Variants in DOP1A observed in about 807,000 individuals in gnomAD.
DOP1A encodes the protein protein DOP1A.
Under a neutral mutation model 267.6 loss-of-function variants are expected in DOP1A, and 90 were observed. That is an observed-to-expected ratio of 0.34 (90% CI 0.28 to 0.40). The LOEUF (loss-of-function observed/expected upper bound fraction) is 0.40, where lower values mean the gene tolerates loss of function less well. Among genes scored for constraint, DOP1A ranks in the 10% least tolerant of loss-of-function variants. The pLI is 1.00. For missense variants in DOP1A, 2,437 were observed against 2,900.4 expected (o/e 0.84, Z 3.67); for synonymous variants, 932 against 999.1 (o/e 0.93, Z 1.27).
intron 20 of DOP1A, among the ~76,000 whole-genome samples, chr6:83,136,959 C>A (rs1778954619): frequency 6.6e-6 from 1 of 151,998 alleles, no homozygotes; most frequent in Admixed American, 6.6e-5. Flanking sequence ...ATTTTAAAGT[C>A]TTTAGAGAGC....
chr6:83,157,719 A>C (rs113098668), intron 35 of DOP1A, among the ~76,000 whole-genome samples: 1 of 152,258 alleles, frequency 6.6e-6, no homozygotes, highest in African/African-American at 2.4e-5. Flanking sequence ...TATTACATAT[A>C]CTCACTCTTG....
At chr6:83,120,970 G>A (rs534888114) in intron 10 of DOP1A, among the ~76,000 whole-genome samples, 179 bp downstream of exon 10, 26 of 151,814 alleles carry the variant, frequency 1.7e-4, no homozygotes, top group African/African-American at 4.8e-5. Flanking sequence ...CACCTGATAC[G>A]TTATTATGTA....
At chr6:83,129,777 G>A (rs986169586) in intron 16 of DOP1A, among the ~76,000 whole-genome samples, 4 of 151,924 alleles carry the variant, frequency 2.6e-5, no homozygotes, top group Non-Finnish European at 4.4e-5. Flanking sequence ...AGATCTGCTG[G>A]TTTTCTTTGT....
At chr6:83,106,125 A>G (rs1281945141) in intron 4 of DOP1A, among the ~76,000 whole-genome samples, 1 of 152,238 alleles carries the variant, frequency 6.6e-6, no homozygotes, top group Non-Finnish European at 1.5e-5. Context: ...ATGGTTTAAC[A>G]TAATTAAATA....
chr6:83,132,355 G>GC (rs776765262), intron 18 of DOP1A, 27 bp downstream of exon 18: 2 of 1,568,946 alleles, frequency 1.3e-6, no homozygotes, highest in East Asian at 4.6e-5. Flanking sequence ...TGTGCACACC[G>GC]CCCCCTCCGC....
At chr6:83,112,010 T>C (rs1774639810) in intron 6 of DOP1A, among the ~76,000 whole-genome samples, 1 of 151,936 alleles carries the variant, frequency 6.6e-6, no homozygotes, top group South Asian at 2.1e-4. Flanking sequence ...TATTAGAAAC[T>C]GCCAAACTAT....
At chr6:83,135,545 T>G in intron 19 of DOP1A, 74 bp from the exon 20 acceptor site, 1 of 1,434,988 alleles carries the variant, frequency 7.0e-7, no homozygotes, top group Non-Finnish European at 9.4e-7. Context: ...AGAAACAGAA[T>G]TTATTAATTT....
chr6:83,072,498 A>G (rs147729069), intron 1 of DOP1A, among the ~76,000 whole-genome samples: 4 of 152,306 alleles, frequency 2.6e-5, no homozygotes, highest in African/African-American at 7.2e-5. Flanking sequence ...GGAAGTAAGT[A>G]AAGAGCCATC....
chr6:83,160,897 T>C (rs1235540392), intron 37 of DOP1A, among the ~76,000 whole-genome samples: 1 of 152,156 alleles, frequency 6.6e-6, no homozygotes, highest in Non-Finnish European at 1.5e-5. Flanking sequence ...TTACTTTTCA[T>C]TAAACTTAAT....
At chr6:83,162,379 G>A (rs1454847265) in intron 37 of DOP1A, among the ~76,000 whole-genome samples, 1 of 152,134 alleles carries the variant, frequency 6.6e-6, no homozygotes, top group Non-Finnish European at 1.5e-5. Context: ...CATTTGGCCA[G>A]TTATATGTTG....
At chr6:83,068,806 G>A (rs941964799) in intron 1 of DOP1A, among the ~76,000 whole-genome samples, 3 of 152,212 alleles carry the variant, frequency 2.0e-5, no homozygotes, top group Non-Finnish European at 4.4e-5. Flanking sequence ...GCCGACTGAA[G>A]TTATGAGTAA....
chr6:83,139,208 A>G (rs375733807), intron 21 of DOP1A, 46 bp downstream of exon 21: 1 of 1,402,640 alleles, frequency 7.1e-7, no homozygotes, highest in Non-Finnish European at 9.9e-7. Context: ...TTTTTCACAT[A>G]TATGACTGCT....
chr6:83,122,202 G>A, intron 11 of DOP1A, 152 bp downstream of exon 11: 1 of 783,172 alleles, frequency 1.3e-6, no homozygotes, highest in Non-Finnish European at 2.0e-6. Context: ...ATTTAATACT[G>A]ACATACTAGT....
chr6:83,138,699 G>A lies in DOP1A; in HGVS notation c.4657G>A (p.Val1553Ile). The A allele has an allele frequency of 3.1e-6, 5 of 1,613,974 alleles. No homozygotes were observed. Among genetic ancestry groups the A allele is most frequent in the Middle Eastern group, 1.6e-4 (1 of 6,062 alleles). The change falls in exon 21 of 39, where the codon GTT becomes ATT. Residue 1553 changes from valine (V) to isoleucine (I), a missense_variant. Coordinates refer to ENST00000349129, the MANE Select transcript of DOP1A (RefSeq NM_015018.4). ...HSEKMAGKNL[V>I]AVEEGFSEDS... is the part of the protein sequence containing the mutation. ...TGAAAAAATGGCAGGTAAGAACCTG[G>A]TTGCTGTGGAAGAAGGTTTCTCAGA...
downstream of DOP1A, chr6:83,170,801 A>G (rs1189900710): frequency 7.3e-5 from 14 of 191,434 alleles, no homozygotes; most frequent in Non-Finnish European, 1.3e-4. Context: ...AAGAAGACCG[A>G]TAAGAATTTC....
chr6:83,157,819 CCACCTA>C (rs1264497482), intron 35 of DOP1A, among the ~76,000 whole-genome samples: 1 of 152,120 alleles, frequency 6.6e-6, no homozygotes, highest in Non-Finnish European at 1.5e-5. Flanking sequence ...TTCCCAAGTC[CCACCTA>C]CACCCTTCTG....
intron 4 of DOP1A, among the ~76,000 whole-genome samples, chr6:83,105,565 A>G (rs1773473893): frequency 6.6e-6 from 1 of 151,886 alleles, no homozygotes; most frequent in Admixed American, 6.6e-5. Context: ...GGGTTTCACT[A>G]TGTTGGCCAG....
At position 83,168,452 on chromosome 6, in the gene DOP1A, C is replaced by T. The variant is rs563694932; in HGVS notation, c.*285C>T. 2.9e-5 allele frequency: 31 copies of T among 1,080,384 alleles called. No homozygotes were observed. In the South Asian group the frequency reaches 9.0e-4, roughly 31 times the overall value. 66.9% of individuals were successfully genotyped at this position (1,080,384 alleles called of 1,614,324 possible). A position where few individuals can be genotyped will look rare whatever the true frequency, so the allele number is the denominator to read the frequency against. ...AGTTGTCTTAAACCTGCAAAATATA[C>T]ACTACCCATTTTTTTTTTCCATTGG... On this transcript the variant is annotated 3_prime_UTR_variant, in exon 39 of 39. Coordinates refer to ENST00000349129, the MANE Select transcript of DOP1A (RefSeq NM_015018.4).
intron 24 of DOP1A, among the ~76,000 whole-genome samples, chr6:83,144,036 GT>G (rs1780073079): frequency 6.6e-6 from 1 of 152,154 alleles, no homozygotes; most frequent in South Asian, 2.1e-4. Context: ...TGGGAAGTTA[GT>G]TTCAACCCAT....
Sources: allele counts gnomAD v4.1 joint callset (sites outside exome capture counted in the v4.1 genomes callset), GRCh38; gene constraint gnomAD v4.1.1; transcripts MANE v1.5; gene names NCBI Gene and HGNC (gene_info 2026-07-23, HGNC 2026-07-21).